FRMD3: variants seen among roughly 807,000 people sequenced by gnomAD.
FRMD3 encodes the protein FERM domain containing 3.
Under a neutral mutation model 70.2 loss-of-function variants are expected in FRMD3, and 33 were observed. That is an observed-to-expected ratio of 0.47 (90% CI 0.36 to 0.63). The LOEUF (loss-of-function observed/expected upper bound fraction) is 0.63, where lower values mean the gene tolerates loss of function less well. Among genes scored for constraint, FRMD3 ranks in the 20% least tolerant of loss-of-function variants. The pLI, the probability that FRMD3 is intolerant of heterozygous loss-of-function variation, is 0.00. For synonymous variants in FRMD3, 279 were observed against 255.9 expected (o/e 1.09, Z -0.86); for missense variants, 632 against 711.4 (o/e 0.89, Z 1.27).
chr9:83,367,865 G>A (rs1824840351), intron 3 of FRMD3, among the ~76,000 whole-genome samples: 1 of 152,176 alleles, frequency 6.6e-6, no homozygotes. Flanking sequence ...AGGATCTGTA[G>A]TAATGTCCCT....
Position 83,298,343 on chromosome 9 carries a change from G to C in FRMD3, c.1070+405C>G, listed in dbSNP as rs77698178. Among the ~76,000 whole-genome samples the C allele has an allele frequency of 8.5e-3, 1,291 of 152,314 alleles. 21 individuals are homozygous for C. Among genetic ancestry groups the C allele is most frequent in the African/African-American group, 0.029 (1,212 of 41,574 alleles). On this transcript the variant is annotated intron_variant, in intron 12 of 13. Transcript: ENST00000304195. ...TCATTCCTCTGCATGGCCCTAGAGA[G>C]TAATGGCCCCATGAAAGGTCAGCCC...
intron 4 of FRMD3, among the ~76,000 whole-genome samples, chr9:83,348,189 A>C (rs933124615): frequency 2.6e-5 from 4 of 152,118 alleles, no homozygotes; most frequent in African/African-American, 9.7e-5. Context: ...TCCTAATTAC[A>C]CTGTTAGCAC....
chr9:83,472,840 G>T (rs1828302162), intron 1 of FRMD3, among the ~76,000 whole-genome samples: 2 of 152,124 alleles, frequency 1.3e-5, no homozygotes, highest in Non-Finnish European at 2.9e-5. Context: ...TTTTATGCTG[G>T]ACTACCTCAA....
intron 1 of FRMD3, among the ~76,000 whole-genome samples, chr9:83,433,532 G>A (rs1827042420): frequency 6.6e-6 from 1 of 152,182 alleles, no homozygotes; most frequent in Non-Finnish European, 1.5e-5. Context: ...GTTTCAGGAT[G>A]ACTCAAGCAC....
chr9:83,450,975 T>C (rs1048994617), intron 1 of FRMD3, among the ~76,000 whole-genome samples: 4 of 152,318 alleles, frequency 2.6e-5, no homozygotes, highest in East Asian at 3.9e-4. Flanking sequence ...GAAGTATGTA[T>C]AGGTGCTCTG....
chr9:83,333,383 A>G (rs1823461702), intron 6 of FRMD3, among the ~76,000 whole-genome samples: 1 of 152,230 alleles, frequency 6.6e-6, no homozygotes, highest in Non-Finnish European at 1.5e-5. Context: ...AGATTTATAA[A>G]GTGCGAGTGA....
intron 1 of FRMD3, among the ~76,000 whole-genome samples, chr9:83,496,619 C>A (rs1828948600): frequency 1.4e-5 from 2 of 145,668 alleles, no homozygotes; most frequent in South Asian, 4.4e-4. Context: ...GAAAGTACAT[C>A]CATGTAAGTT....
chr9:83,259,298 T>C (rs1587633478), intron 13 of FRMD3, among the ~76,000 whole-genome samples: 1 of 152,150 alleles, frequency 6.6e-6, no homozygotes. Context: ...ATATTTTAAG[T>C]TTTTCAGGAA....
chr9:83,569,655 C>A, the FRMD3 span, among the ~76,000 whole-genome samples: 1 of 152,254 alleles, frequency 6.6e-6, no homozygotes, highest in Non-Finnish European at 1.5e-5. Context: ...GGCATAATAT[C>A]TTCCAGTTTC....
chr9:83,563,141 A>G, the FRMD3 span, among the ~76,000 whole-genome samples: 1 of 152,222 alleles, frequency 6.6e-6, no homozygotes, highest in African/African-American at 2.4e-5. Context: ...CTTTTATGAC[A>G]GAAGGAGAAT....
chr9:83,446,406 C>T (rs560175556), intron 1 of FRMD3, among the ~76,000 whole-genome samples: 6 of 151,594 alleles, frequency 4.0e-5, no homozygotes, highest in Admixed American at 3.3e-4. Context: ...CCAGCACTTT[C>T]GGAGGCCGAG....
intron 1 of FRMD3, among the ~76,000 whole-genome samples, chr9:83,465,042 AG>A (rs1554709125): frequency 5.7e-5 from 8 of 140,156 alleles, no homozygotes; most frequent in Middle Eastern, 3.8e-3. Context: ...AAAAAAAAGA[AG>A]AAGAAGCAGC....
the FRMD3 span, among the ~76,000 whole-genome samples, chr9:83,545,830 C>T: frequency 6.6e-6 from 1 of 152,182 alleles, no homozygotes; most frequent in Non-Finnish European, 1.5e-5. Flanking sequence ...GAGATTTACA[C>T]ATCCAGATAC....
At chr9:83,555,285 A>T in the FRMD3 span, among the ~76,000 whole-genome samples, 12 of 151,454 alleles carry the variant, frequency 7.9e-5, no homozygotes, top group Non-Finnish European at 1.6e-4. Flanking sequence ...CCCAGGGGGA[A>T]TTAAGATCGC....
At chr9:83,324,923 C>T (rs534265192) in intron 6 of FRMD3, among the ~76,000 whole-genome samples, 1 of 152,286 alleles carries the variant, frequency 6.6e-6, no homozygotes, top group East Asian at 1.9e-4. Flanking sequence ...ACATCATCAC[C>T]AATATCTTAT....
chr9:83,378,924 C>T (rs1825273459), intron 2 of FRMD3, among the ~76,000 whole-genome samples: 1 of 132,628 alleles, frequency 7.5e-6, no homozygotes, highest in Non-Finnish European at 1.6e-5. Context: ...GATGGGGTTT[C>T]ACTATGTAGG....
chr9:83,548,906 G>T, the FRMD3 span, among the ~76,000 whole-genome samples: 4 of 152,028 alleles, frequency 2.6e-5, no homozygotes, highest in Non-Finnish European at 1.5e-5. Context: ...TCTATTGTCT[G>T]GTCTGAGTAC....
At chr9:83,554,828 G>T in the FRMD3 span, among the ~76,000 whole-genome samples, 1 of 152,172 alleles carries the variant, frequency 6.6e-6, no homozygotes, top group Non-Finnish European at 1.5e-5. Context: ...GAGGAGATAT[G>T]GGATCAGGCA....
rs1828166376 is a variant in FRMD3, at chr9:83,467,689, C to T, written c.147+70396G>A. On this transcript the variant is annotated intron_variant, in intron 1 of 13. Transcript: ENST00000304195. Reference sequence around the variant, plus strand: ...AAAGGATTTGCAGTGCCGTGATCTGCTAGTGCCTTAAAATACTGCCATCTC... The same window carrying T: ...AAAGGATTTGCAGTGCCGTGATCTGTTAGTGCCTTAAAATACTGCCATCTC... 5.2e-6 allele frequency: 8 copies of T among 1,534,964 alleles called. No individual in the cohort carries two copies. In the South Asian group the frequency reaches 9.5e-5, roughly 18 times the overall value.
Sources: allele counts gnomAD v4.1 joint callset (sites outside exome capture counted in the v4.1 genomes callset), GRCh38; gene constraint gnomAD v4.1.1; transcripts MANE v1.5; gene names NCBI Gene and HGNC (gene_info 2026-07-23, HGNC 2026-07-21).